KCNJ3: variants seen among roughly 807,000 people sequenced by gnomAD.
KCNJ3 encodes the protein G protein-activated inward rectifier potassium channel 1.
In KCNJ3, 4 loss-of-function variants were observed where a neutral mutation model predicts 39.2. The ratio of observed to expected loss-of-function variants is 0.10; its 90% CI spans 0.05 to 0.23. KCNJ3 has a LOEUF of 0.23. KCNJ3 is among the 10% of genes least tolerant of loss of function. The pLI is 1.00. For missense variants in KCNJ3, 276 were observed against 634.9 expected, an observed-to-expected ratio of 0.43 and a Z score of 6.08; for synonymous variants, 230 against 237.4, an observed-to-expected ratio of 0.97 and a Z score of 0.29.
At chr2:154,775,288 A>C (rs973549333) in intron 2 of KCNJ3, among the ~76,000 whole-genome samples, 1 of 152,216 alleles carries the variant, frequency 6.6e-6, no homozygotes, top group Admixed American at 6.5e-5. Context: ...GAATATCACA[A>C]AAACTTATAA....
chr2:154,717,365 T>C (rs968382135), intron 2 of KCNJ3, among the ~76,000 whole-genome samples: 4 of 152,128 alleles, frequency 2.6e-5, no homozygotes, highest in African/African-American at 9.7e-5. Context: ...ACCATGATCA[T>C]ATTGGTGTGA....
chr2:154,759,588 T>G (rs1044941532), intron 2 of KCNJ3, among the ~76,000 whole-genome samples: 1 of 152,056 alleles, frequency 6.6e-6, no homozygotes, highest in African/African-American at 2.4e-5. Context: ...TATAGATAGA[T>G]AGAGATACAT....
chr2:154,708,960 C>T (rs1442222427), intron 1 of KCNJ3, among the ~76,000 whole-genome samples: 1 of 152,098 alleles, frequency 6.6e-6, no homozygotes, highest in Non-Finnish European at 1.5e-5. Context: ...ATTTATAATG[C>T]AGTTTATTAT....
chr2:154,774,941 G>C (rs1686305695), intron 2 of KCNJ3, among the ~76,000 whole-genome samples: 2 of 151,610 alleles, frequency 1.3e-5, no homozygotes, highest in Admixed American at 1.3e-4. Context: ...TAGAGACAGG[G>C]TCTCACTCTG....
intron 2 of KCNJ3, among the ~76,000 whole-genome samples, chr2:154,821,687 G>T (rs1356967734): frequency 7.8e-6 from 1 of 128,958 alleles, no homozygotes; most frequent in Non-Finnish European, 1.6e-5. Flanking sequence ...TGTCGTCCAG[G>T]CTAGAGTTTA....
chr2:154,812,994 A>G lies in KCNJ3; in HGVS notation c.920-41733A>G, dbSNP rs144771828. On this transcript the variant is annotated intron_variant, in intron 2 of 2. Transcript: ENST00000295101. ...TAGTGTATTCACTAATACAGGCAGT[A>G]TCCACAGGTAAGTATTGTGATCATT... Among the ~76,000 whole-genome samples, 28 of 152,312 alleles carry G rather than the reference A, an allele frequency of 1.8e-4. No homozygotes were observed. In the East Asian group the frequency reaches 5.4e-3, roughly 29 times the overall value.
intron 2 of KCNJ3, among the ~76,000 whole-genome samples, chr2:154,813,229 T>A (rs751887631): frequency 6.6e-6 from 1 of 152,182 alleles, no homozygotes; most frequent in Non-Finnish European, 1.5e-5. Flanking sequence ...TGTGCTTCAT[T>A]TTCTGCCAGG....
intron 2 of KCNJ3, among the ~76,000 whole-genome samples, chr2:154,710,201 C>T (rs998820570): frequency 1.3e-5 from 2 of 151,916 alleles, no homozygotes; most frequent in African/African-American, 2.4e-5. Context: ...ATATTCTGGC[C>T]TTGGGGATGG....
intron 2 of KCNJ3, among the ~76,000 whole-genome samples, chr2:154,760,735 CTT>C (rs887796000): frequency 7.8e-5 from 10 of 127,738 alleles, no homozygotes; most frequent in Non-Finnish European, 9.9e-5. Context: ...TCTTTTTTTT[CTT>C]TTTTTTTTTT....
chr2:154,713,743 C>G (rs1685139340), intron 2 of KCNJ3, among the ~76,000 whole-genome samples: 1 of 152,220 alleles, frequency 6.6e-6, no homozygotes, highest in African/African-American at 2.4e-5. Context: ...CTCTTTGCAA[C>G]TTCTCCCAGG....
At chr2:154,762,120 C>T (rs1686056898) in intron 2 of KCNJ3, among the ~76,000 whole-genome samples, 1 of 152,166 alleles carries the variant, frequency 6.6e-6, no homozygotes, top group Non-Finnish European at 1.5e-5. Flanking sequence ...ACACAGCCCT[C>T]TCAATGCCTT....
At chr2:154,745,455 T>G (rs1173331329) in intron 2 of KCNJ3, among the ~76,000 whole-genome samples, 1 of 152,070 alleles carries the variant, frequency 6.6e-6, no homozygotes, top group African/African-American at 2.4e-5. Context: ...GATTGACTCT[T>G]TCATCATTAT....
intron 2 of KCNJ3, among the ~76,000 whole-genome samples, chr2:154,776,470 TATTA>T (rs1354965871): frequency 3.3e-5 from 5 of 152,162 alleles, no homozygotes; most frequent in Non-Finnish European, 4.4e-5. Flanking sequence ...TTGGCACATA[TATTA>T]ATTAATTAAT....
intron 2 of KCNJ3, among the ~76,000 whole-genome samples, chr2:154,781,611 G>T (rs116479874): frequency 6.6e-6 from 1 of 152,088 alleles, no homozygotes; most frequent in Non-Finnish European, 1.5e-5. Flanking sequence ...CTGAAATGAT[G>T]GCAGAATTTA....
chr2:154,839,036 T>C (rs1687528857), intron 2 of KCNJ3, among the ~76,000 whole-genome samples: 1 of 152,174 alleles, frequency 6.6e-6, no homozygotes, highest in Non-Finnish European at 1.5e-5. Flanking sequence ...CATGTTTGTT[T>C]GCTGCACCCA....
intron 2 of KCNJ3, among the ~76,000 whole-genome samples, chr2:154,787,364 C>T (rs760091479): frequency 9.2e-5 from 14 of 151,760 alleles, no homozygotes; most frequent in Non-Finnish European, 1.8e-4. Flanking sequence ...TCTTTTCGAA[C>T]AAAACCTTTA....
chr2:154,853,638 C>A (rs1401771829), intron 2 of KCNJ3, among the ~76,000 whole-genome samples: 1 of 151,980 alleles, frequency 6.6e-6, no homozygotes, highest in Non-Finnish European at 1.5e-5. Context: ...GTGAATTTTA[C>A]TATTTACAGA....
intron 1 of KCNJ3, among the ~76,000 whole-genome samples, chr2:154,707,552 A>C (rs1685035002): frequency 6.6e-6 from 1 of 152,266 alleles, no homozygotes; most frequent in East Asian, 1.9e-4. Context: ...TAACAAATGT[A>C]TGAAAAAGGA....
Position 154,699,519 on chromosome 2 carries a change from C to T in KCNJ3, c.702+42C>T. 1 of 1,515,894 alleles carries T rather than the reference C, an allele frequency of 6.6e-7. No homozygotes were observed. The highest frequency in any genetic ancestry group is 8.8e-7 in the Non-Finnish European group (1 of 1,134,854). 93.9% of individuals were successfully genotyped at this position (1,515,894 alleles called of 1,614,324 possible). A position where few individuals can be genotyped will look rare whatever the true frequency, so the allele number is the denominator to read the frequency against. On this transcript the variant is annotated intron_variant, in intron 1 of 2. Transcript: ENST00000295101. The surrounding 1 kb of genome is among the most constrained non-coding windows in gnomAD (Gnocchi z 6.4). ...CCTTCCCCACCGGGAGACCTGCGTC[C>T]CCCAAACCCGCGGAGTAACTCGTCT...
Sources: gnomAD v4.1 joint callset for allele counts (sites outside exome capture counted in the v4.1 genomes callset) on GRCh38, gnomAD v4.1.1 for gene constraint, Gnocchi (gnomAD v3.1) non-coding constraint, MANE v1.5 for transcripts, NCBI Gene and HGNC (gene_info 2026-07-23, HGNC 2026-07-21) for gene names.